Variants in HNRNPA1L2 observed in about 807,000 individuals in gnomAD.
The protein encoded by HNRNPA1L2 is heterogeneous nuclear ribonucleoprotein A1-like 2.
HNRNPA1L2 carries 10 observed loss-of-function variants against 18.2 expected under a neutral mutation model. That is an observed-to-expected ratio of 0.55 (90% confidence interval 0.34 to 0.93). The LOEUF is 0.93. Ranked by LOEUF, HNRNPA1L2 falls within the 40% of genes least tolerant of loss-of-function variation. HNRNPA1L2 has a pLI of 0.02. For synonymous variants in HNRNPA1L2, 124 were observed against 138.6 expected (o/e 0.89, Z 0.74); for missense variants, 308 against 394.4 (o/e 0.78, Z 1.85).
chr13:52,626,011 C>T, the HNRNPA1L2 span, among the ~76,000 whole-genome samples: 505 of 152,078 alleles, frequency 3.3e-3, 3 homozygotes, highest in African/African-American at 0.011. Context: ...AACTCTTGAG[C>T]TCAAGCGATC....
the HNRNPA1L2 span, among the ~76,000 whole-genome samples, chr13:52,637,133 C>CTTAT: frequency 6.6e-6 from 1 of 152,028 alleles, no homozygotes; most frequent in African/African-American, 2.4e-5. Context: ...TAGTTATAGT[C>CTTAT]TTTAATATAA....
upstream of HNRNPA1L2, among the ~76,000 whole-genome samples, chr13:52,640,360 G>T (rs2138080489): frequency 6.6e-6 from 1 of 152,244 alleles, no homozygotes; most frequent in Middle Eastern, 3.4e-3. Context: ...TTGCTACTCA[G>T]AGTGGTCCCA....
the HNRNPA1L2 span, among the ~76,000 whole-genome samples, chr13:52,624,840 T>C: frequency 7.2e-5 from 11 of 152,174 alleles, no homozygotes; most frequent in South Asian, 2.1e-4. Context: ...ACCTACCTGA[T>C]CGACATGGTG....
the HNRNPA1L2 span, among the ~76,000 whole-genome samples, chr13:52,627,738 A>G: frequency 6.6e-6 from 1 of 152,184 alleles, no homozygotes; most frequent in African/African-American, 2.4e-5. Flanking sequence ...TTTTTAAAAA[A>G]CTTATGTCTT....
At chr13:52,621,384 G>A in the HNRNPA1L2 span, among the ~76,000 whole-genome samples, 3 of 151,808 alleles carry the variant, frequency 2.0e-5, no homozygotes, top group African/African-American at 7.3e-5. Flanking sequence ...GACCCACTCA[G>A]TTTTTTTTAA....
chr13:52,630,952 A>G, the HNRNPA1L2 span, among the ~76,000 whole-genome samples: 2 of 152,190 alleles, frequency 1.3e-5, no homozygotes, highest in African/African-American at 4.8e-5. Context: ...GGCATATTTG[A>G]TTTTTAATAT....
the HNRNPA1L2 span, among the ~76,000 whole-genome samples, chr13:52,636,372 C>T: frequency 6.6e-6 from 1 of 152,140 alleles, no homozygotes; most frequent in East Asian, 1.9e-4. Flanking sequence ...ATGTTTGTAC[C>T]ATTTTACGTT....
In HNRNPA1L2 at chr13:52,642,478, C is replaced by G. The variant is rs200856383; in HGVS notation, c.-15C>G. 9.1e-5 allele frequency: 147 copies of G among 1,611,504 alleles called. No homozygotes were observed. The South Asian group carries it at 1.0e-3, about 11-fold the overall frequency. ...CTGAAGAAGCATCGTTAAAGTCTCT[C>G]TTCACCTTGCCGTCATGTCTAAGTC... On this transcript the variant is annotated 5_prime_UTR_variant, in exon 1 of 1. Transcript: ENST00000357495.
At chr13:52,625,396 T>C in the HNRNPA1L2 span, among the ~76,000 whole-genome samples, 1 of 152,174 alleles carries the variant, frequency 6.6e-6, no homozygotes, top group Non-Finnish European at 1.5e-5. Context: ...ATTACTGCCA[T>C]GAGCCACCAC....
chr13:52,638,893 T>C (rs9536208), upstream of HNRNPA1L2, among the ~76,000 whole-genome samples: 9,033 of 152,242 alleles, frequency 0.059, 377 homozygotes, highest in Non-Finnish European at 0.097. Context: ...TGGAATATGC[T>C]TGTGGTTTAG....
upstream of HNRNPA1L2, among the ~76,000 whole-genome samples, chr13:52,640,186 C>T (rs989140265): frequency 1.3e-5 from 2 of 152,150 alleles, no homozygotes; most frequent in African/African-American, 2.4e-5. Flanking sequence ...AGGGATTCAC[C>T]CCTCCTTGGC....
At chr13:52,639,012 G>T (rs550285718), upstream of HNRNPA1L2, among the ~76,000 whole-genome samples, 5 of 152,330 alleles carry the variant, frequency 3.3e-5, no homozygotes, top group African/African-American at 1.2e-4. Context: ...GGTACAGAAA[G>T]TTGGAAAACA....
In HNRNPA1L2 at chr13:52,643,608, G is replaced by T. The variant is rs534919764; in HGVS notation, c.*153G>T. The T allele has an allele frequency of 6.8e-4, 442 of 646,918 alleles. 4 individuals carry two copies. The highest frequency in any genetic ancestry group is 6.6e-3 in the African/African-American group (362 of 55,200). The allele number at this position is 646,918 out of a possible 1,614,324, so 40.1% of individuals were successfully genotyped here. Reference sequence around the variant, plus strand: ...TTTAGACAAATACTCATGTGTATGGGCAAAAAACTCGAGGACTGTATTTGT... The same window carrying T: ...TTTAGACAAATACTCATGTGTATGGTCAAAAAACTCGAGGACTGTATTTGT... On this transcript the variant is annotated 3_prime_UTR_variant, in exon 1 of 1. Transcript: ENST00000357495.
chr13:52,623,619 C>T, the HNRNPA1L2 span, among the ~76,000 whole-genome samples: 1 of 152,148 alleles, frequency 6.6e-6, no homozygotes, highest in African/African-American at 2.4e-5. Flanking sequence ...TGCCTCCCCT[C>T]CCCGCTTTTC....
chr13:52,630,574 C>A, the HNRNPA1L2 span, among the ~76,000 whole-genome samples: 1 of 152,094 alleles, frequency 6.6e-6, no homozygotes, highest in Non-Finnish European at 1.5e-5. Flanking sequence ...CCCGGCCTAA[C>A]CTGTCTTTAT....
At chr13:52,620,124 G>A in the HNRNPA1L2 span, among the ~76,000 whole-genome samples, 4 of 151,938 alleles carry the variant, frequency 2.6e-5, no homozygotes, top group African/African-American at 9.7e-5. Flanking sequence ...TGAAATTGCC[G>A]TTTTCTCTTT....
At chr13:52,637,903 TA>T (rs1961514776), upstream of HNRNPA1L2, among the ~76,000 whole-genome samples, 1 of 152,190 alleles carries the variant, frequency 6.6e-6, no homozygotes, top group African/African-American at 2.4e-5. Flanking sequence ...TGTTTCATAA[TA>T]TTTCAAGGAA....
the HNRNPA1L2 span, among the ~76,000 whole-genome samples, chr13:52,621,161 A>G: frequency 6.6e-6 from 1 of 152,202 alleles, no homozygotes; most frequent in African/African-American, 2.4e-5. Context: ...TGGATATTTG[A>G]GTTACTTAGA....
At chr13:52,634,630 AT>A in the HNRNPA1L2 span, among the ~76,000 whole-genome samples, 1 of 152,004 alleles carries the variant, frequency 6.6e-6, no homozygotes, top group African/African-American at 2.4e-5. Flanking sequence ...GCATTCAGTA[AT>A]TTTTTTTATT....
Sources: gnomAD v4.1 joint callset for allele counts (sites outside exome capture counted in the v4.1 genomes callset) on GRCh38, gnomAD v4.1.1 for gene constraint, MANE v1.5 for transcripts, NCBI Gene and HGNC (gene_info 2026-07-23, HGNC 2026-07-21) for gene names.